The following WWOX variants were observed in gnomAD, a reference collection of about 807,000 sequenced individuals.
WWOX encodes the protein WW domain containing oxidoreductase.
Under a neutral mutation model 46.2 loss-of-function variants are expected in WWOX, and 69 were observed. The observed-to-expected ratio is 1.49, with a 90% confidence interval of 1.23 to 1.82. The LOEUF (loss-of-function observed/expected upper bound fraction) is 1.82. Ranked by LOEUF, WWOX falls within the 40% of genes most tolerant of loss-of-function variation. WWOX has a pLI of 0.00. For synonymous variants in WWOX, 359 were observed against 202.6 expected (o/e 1.77, Z -6.56); for missense variants, 919 against 542.6 (o/e 1.69, Z -6.89).
chr16:78,923,891 C>G (rs1322556043), intron 8 of WWOX, among the ~76,000 whole-genome samples: 2 of 150,200 alleles, frequency 1.3e-5, no homozygotes, highest in East Asian at 4.0e-4. Context: ...CCTCCGCCTC[C>G]TGGGTTCATG....
intron 5 of WWOX, among the ~76,000 whole-genome samples, chr16:78,296,508 G>GTA (rs1490569616): frequency 2.0e-5 from 3 of 150,044 alleles, no homozygotes; most frequent in Non-Finnish European, 1.5e-5. Flanking sequence ...ATATATATAT[G>GTA]TATATATATT....
chr16:79,159,107 C>G (rs1325475293), intron 8 of WWOX, among the ~76,000 whole-genome samples: 1 of 152,140 alleles, frequency 6.6e-6, no homozygotes, highest in Non-Finnish European at 1.5e-5. Flanking sequence ...TCTTTAATTT[C>G]ATGTAAATTT....
In WWOX at chr16:78,678,460, A is replaced by G. The variant is rs991414694; in HGVS notation, c.1056+245708A>G. Among the ~76,000 whole-genome samples, 15 of 152,330 alleles carry G rather than the reference A, an allele frequency of 9.8e-5. No individual in the cohort carries two copies. In the East Asian group the frequency reaches 2.7e-3, roughly 27 times the overall value. ...TCAATCTTTATAGAAACTCAATTCA[A>G]CAAACATTTGAGCACCTGTTTGTTC... On this transcript the variant is annotated intron_variant, in intron 8 of 8. Transcript: ENST00000566780.
At chr16:79,002,876 A>T (rs2047121071) in intron 8 of WWOX, among the ~76,000 whole-genome samples, 1 of 152,226 alleles carries the variant, frequency 6.6e-6, no homozygotes, top group African/African-American at 2.4e-5. Context: ...TAACTCCATG[A>T]TGAAACATGT....
At chr16:78,355,647 G>T in intron 5 of WWOX, 1 of 643,698 alleles carries the variant, frequency 1.6e-6, no homozygotes, top group Non-Finnish European at 2.8e-6. Context: ...GAGCTTCGAG[G>T]CAGATTACAT....
chr16:78,856,027 G>A (rs1388748502), intron 8 of WWOX, among the ~76,000 whole-genome samples: 1 of 152,198 alleles, frequency 6.6e-6, no homozygotes, highest in African/African-American at 2.4e-5. Context: ...TTTACTTGCA[G>A]GGCAAGGCAA....
intron 2 of WWOX, among the ~76,000 whole-genome samples, chr16:78,109,314 C>T (rs1293592310): frequency 6.6e-6 from 1 of 151,586 alleles, no homozygotes; most frequent in East Asian, 1.9e-4. Flanking sequence ...TAGTGAGACC[C>T]CATCTCAAAA....
At chr16:78,502,210 A>G (rs901739245) in intron 8 of WWOX, among the ~76,000 whole-genome samples, 1 of 152,158 alleles carries the variant, frequency 6.6e-6, no homozygotes, top group African/African-American at 2.4e-5. Flanking sequence ...TGCCTACCAT[A>G]TAATTCATCT....
chr16:78,542,018 C>CAAAAAAA lies in WWOX; in HGVS notation c.1056+109288_1056+109294dup, dbSNP rs548366256. On this transcript the variant is annotated intron_variant, in intron 8 of 8. Coordinates refer to ENST00000566780, the MANE Select transcript of WWOX (RefSeq NM_016373.4). ...GAGGGTTTCTTTCAACAGAGTATAC[C>CAAAAAAA]AAAAAAAAAAAAAAAAAAAAAAAAA... 6.9e-3 allele frequency among the ~76,000 whole-genome samples: 281 copies of CAAAAAAA among 40,620 alleles called. 53 individuals carry two copies. Among genetic ancestry groups the CAAAAAAA allele is most frequent in the Admixed American group, 9.6e-3 (20 of 2,082 alleles). 26.6% of individuals were successfully genotyped at this position (40,620 alleles called of 152,430 possible).
chr16:78,984,177 C>G (rs1381299460), intron 8 of WWOX, among the ~76,000 whole-genome samples: 1 of 152,110 alleles, frequency 6.6e-6, no homozygotes, highest in East Asian at 1.9e-4. Flanking sequence ...CGCGCCCGGC[C>G]AGAGGGCTAT....
Position 78,848,047 on chromosome 16 carries a change from G to A in WWOX, c.1057-363561G>A, listed in dbSNP as rs568833293. ...GGCATATGAGTGAGGTCCCTCTAGA[G>A]TCATCTAGCTACTAGCCAAGCTACC... On this transcript the variant is annotated intron_variant, in intron 8 of 8. Coordinates refer to ENST00000566780, the MANE Select transcript of WWOX (RefSeq NM_016373.4). 2.0e-5 allele frequency among the ~76,000 whole-genome samples: 3 copies of A among 152,242 alleles called. No homozygotes were observed. The South Asian group carries it at 6.2e-4, about 32-fold the overall frequency.
At chr16:79,125,386 A>C (rs1013371618) in intron 8 of WWOX, among the ~76,000 whole-genome samples, 2 of 152,184 alleles carry the variant, frequency 1.3e-5, no homozygotes, top group Non-Finnish European at 2.9e-5. Context: ...TTATGAGGAG[A>C]ATTTGGGATG....
chr16:78,099,713 G>A lies in WWOX; in HGVS notation c.-66G>A. The A allele has an allele frequency of 6.7e-7, 1 of 1,489,612 alleles. No homozygotes were observed. Among genetic ancestry groups the A allele is most frequent in the Non-Finnish European group, 8.9e-7 (1 of 1,119,926 alleles). The allele number at this position is 1,489,612 out of a possible 1,614,324, so 92.3% of individuals were successfully genotyped here. ...CGCGCGGGTCTCGTTTGGAGCGGGA[G>A]TGAGTTCCTGAGCGAGTGGACCCGG... On this transcript the variant is annotated 5_prime_UTR_variant, in exon 1 of 9. It adds an upstream start codon to the 5' untranslated region. Transcript: ENST00000566780.
intron 6 of WWOX, among the ~76,000 whole-genome samples, chr16:78,406,951 C>T (rs1413579438): frequency 6.6e-6 from 1 of 152,074 alleles, no homozygotes; most frequent in African/African-American, 2.4e-5. Context: ...TTATAAACTC[C>T]TTGGATGCTA....
intron 8 of WWOX, among the ~76,000 whole-genome samples, chr16:78,568,086 A>T (rs753719745): frequency 2.4e-4 from 37 of 152,294 alleles, no homozygotes; most frequent in Non-Finnish European, 4.4e-4. Context: ...AGGGCAGAAG[A>T]ACGCCGTCGT....
intron 8 of WWOX, among the ~76,000 whole-genome samples, chr16:78,606,587 C>T (rs1028690726): frequency 2.0e-5 from 3 of 152,058 alleles, no homozygotes; most frequent in Non-Finnish European, 2.9e-5. Flanking sequence ...AAATATGCCA[C>T]ATTCCGCAGG....
chr16:78,922,266 G>T (rs2045396328), intron 8 of WWOX, among the ~76,000 whole-genome samples: 1 of 152,086 alleles, frequency 6.6e-6, no homozygotes, highest in Admixed American at 6.5e-5. Flanking sequence ...AGGTTACATG[G>T]GTGTAGTTAG....
At chr16:78,511,891 C>G (rs1303238760) in intron 8 of WWOX, among the ~76,000 whole-genome samples, 1 of 152,192 alleles carries the variant, frequency 6.6e-6, no homozygotes, top group Non-Finnish European at 1.5e-5. Flanking sequence ...CTGTTTATGA[C>G]ATTATCCGTT....
At chr16:78,400,173 G>A (rs868504406) in intron 6 of WWOX, among the ~76,000 whole-genome samples, 19 of 152,040 alleles carry the variant, frequency 1.2e-4, no homozygotes, top group African/African-American at 3.1e-4. Flanking sequence ...TCACTTACTC[G>A]TCATCAAAAA....
Sources: gnomAD v4.1 joint callset for allele counts (sites outside exome capture counted in the v4.1 genomes callset) on GRCh38, gnomAD v4.1.1 for gene constraint, MANE v1.5 for transcripts, NCBI Gene and HGNC (gene_info 2026-07-23, HGNC 2026-07-21) for gene names.